MCUB: variants seen among roughly 807,000 people sequenced by gnomAD.
MCUB encodes mitochondrial calcium uniporter dominant negative subunit beta.
Under a neutral mutation model 41.4 loss-of-function variants are expected in MCUB, and 46 were observed. The ratio of observed to expected loss-of-function variants is 1.11; its 90% CI spans 0.88 to 1.42. The LOEUF (loss-of-function observed/expected upper bound fraction) is 1.42, where lower values mean the gene tolerates loss of function less well. Ranked by LOEUF, MCUB falls within the 40% of genes most tolerant of loss-of-function variation. The pLI, the probability that MCUB is intolerant of heterozygous loss-of-function variation, is 0.00. For synonymous variants in MCUB, 148 were observed against 148.2 expected, an observed-to-expected ratio of 1.00 and a Z score of 0.01; for missense variants, 403 against 404.9, an observed-to-expected ratio of 1.00 and a Z score of 0.04.
At chr4:109,645,513 G>GA (rs4035594) in intron 1 of MCUB, among the ~76,000 whole-genome samples, 252 of 142,944 alleles carry the variant, frequency 1.8e-3, no homozygotes, top group Non-Finnish European at 2.6e-3. Context: ...CATTAAAAAA[G>GA]AAAAAAAAAA....
At chr4:109,564,466 T>C (rs1726725528) in intron 1 of MCUB, among the ~76,000 whole-genome samples, 1 of 152,186 alleles carries the variant, frequency 6.6e-6, no homozygotes, top group African/African-American at 2.4e-5. Flanking sequence ...TCTAGCCCCA[T>C]ATCTTGCCTC....
chr4:109,614,494 A>G (rs1310467296), intron 1 of MCUB, among the ~76,000 whole-genome samples: 1 of 151,798 alleles, frequency 6.6e-6, no homozygotes, highest in East Asian at 1.9e-4. Context: ...GACATAGAAT[A>G]AGATAGCCAT....
At chr4:109,596,014 GCCTCTT>G (rs1727548441) in intron 1 of MCUB, among the ~76,000 whole-genome samples, 1 of 133,124 alleles carries the variant, frequency 7.5e-6, no homozygotes, top group Non-Finnish European at 1.6e-5. Flanking sequence ...AGTAAGGCCA[GCCTCTT>G]ATCCTTCACC....
intron 1 of MCUB, among the ~76,000 whole-genome samples, chr4:109,593,064 T>C (rs940637222): frequency 7.2e-5 from 11 of 152,234 alleles, no homozygotes; most frequent in Admixed American, 2.0e-4. Flanking sequence ...TGCTGAAAAT[T>C]CCAATGCTCA....
In MCUB at chr4:109,685,326, G is replaced by A. The variant is rs753575352; in HGVS notation, c.892G>A (p.Asp298Asn). ...CAAGAAATCAAAGCAACAGCACTTT[G>A]ATGTGCAGCAATACAACAAGTTAAA... ...FHKKSKQQHFDVQQYNKLKED... is the reference protein window; with the variant it reads ...FHKKSKQQHFNVQQYNKLKED... Residue 298 changes from aspartate (D) to asparagine (N), a missense_variant, in exon 7 of 8, where the codon GAT becomes AAT. Transcript: ENST00000394650. 1.9e-6 allele frequency: 3 copies of A among 1,585,536 alleles called. No homozygotes were observed. The highest frequency in any genetic ancestry group is 2.6e-6 in the Non-Finnish European group (3 of 1,154,670).
intron 1 of MCUB, among the ~76,000 whole-genome samples, chr4:109,603,253 G>T (rs545726202): frequency 2.6e-5 from 4 of 152,140 alleles, no homozygotes; most frequent in Non-Finnish European, 5.9e-5. Flanking sequence ...GCGCCGCCAC[G>T]CCTGACTGGT....
chr4:109,582,499 C>T (rs1727204456), intron 1 of MCUB, among the ~76,000 whole-genome samples: 1 of 145,964 alleles, frequency 6.9e-6, no homozygotes, highest in Non-Finnish European at 1.5e-5. Context: ...ACGTGGGGCA[C>T]ATGTACCCTA....
intron 1 of MCUB, among the ~76,000 whole-genome samples, chr4:109,621,799 A>G (rs997656604): frequency 6.6e-6 from 1 of 152,234 alleles, no homozygotes; most frequent in African/African-American, 2.4e-5. Context: ...TTAAATCACA[A>G]TGAAATGACT....
intron 1 of MCUB, among the ~76,000 whole-genome samples, chr4:109,573,092 A>T (rs537194678): frequency 3.3e-4 from 51 of 152,302 alleles, no homozygotes; most frequent in South Asian, 8.3e-4. Flanking sequence ...GAGTCTTATT[A>T]TTCTCATCCT....
intron 1 of MCUB, among the ~76,000 whole-genome samples, chr4:109,626,989 A>C (rs1310358636): frequency 6.6e-6 from 1 of 152,192 alleles, no homozygotes; most frequent in African/African-American, 2.4e-5. Context: ...TATTTGTTCA[A>C]CATTAAGGGG....
intron 1 of MCUB, among the ~76,000 whole-genome samples, chr4:109,648,808 TA>T (rs1220863313): frequency 6.7e-6 from 1 of 149,408 alleles, no homozygotes; most frequent in Non-Finnish European, 1.5e-5. Context: ...GATGTAGAAC[TA>T]ATGAACCCAA....
intron 1 of MCUB, among the ~76,000 whole-genome samples, chr4:109,595,198 T>C (rs1260020733): frequency 1.3e-5 from 2 of 152,142 alleles, no homozygotes; most frequent in Non-Finnish European, 2.9e-5. Context: ...GTCCCAGCCA[T>C]GTTCCCTTAT....
rs57136696 is a variant in MCUB, at chr4:109,674,716, C to T, written c.452-7866C>T. ...ATCACAATTGTAAACATGAGAATAACTTAAGGATTCTAGTTTAGTTTTTTG... is the reference window on the plus strand; with the variant it reads ...ATCACAATTGTAAACATGAGAATAATTTAAGGATTCTAGTTTAGTTTTTTG... On this transcript the variant is annotated intron_variant, in intron 4 of 7. Coordinates refer to ENST00000394650, the MANE Select transcript of MCUB (RefSeq NM_017918.5). Among the ~76,000 whole-genome samples, 775 of 152,272 alleles carry T rather than the reference C, an allele frequency of 5.1e-3. 3 individuals are homozygous for T. Among genetic ancestry groups the T allele is most frequent in the African/African-American group, 0.018 (735 of 41,546 alleles).
Position 109,663,059 on chromosome 4 carries a change from A to G in MCUB, c.347-1231A>G, listed in dbSNP as rs146968722. Among the ~76,000 whole-genome samples, 567 of 152,316 alleles carry G rather than the reference A, an allele frequency of 3.7e-3. 16 individuals are homozygous for G. The South Asian group carries it at 0.059, about 16-fold the overall frequency. ...CTTCCAGAACAAAAGAACTATAGGG[A>G]GGCAGACAAGAGGCAGCAGCCAGTT... On this transcript the variant is annotated intron_variant, in intron 3 of 7. Coordinates refer to ENST00000394650, the MANE Select transcript of MCUB (RefSeq NM_017918.5).
intron 1 of MCUB, among the ~76,000 whole-genome samples, chr4:109,623,054 T>A (rs138873379): frequency 2.6e-5 from 4 of 152,286 alleles, no homozygotes; most frequent in African/African-American, 4.8e-5. Context: ...ACTCTTGAGA[T>A]GAAACTCAAG....
At position 109,619,030 on chromosome 4, in the gene MCUB, GCCTACCTACCTACCTA is replaced by G. The variant is rs762220634; in HGVS notation, c.100-39948_100-39933del. On this transcript the variant is annotated intron_variant, in intron 1 of 7. Transcript: ENST00000394650. ...TACCTACCTACCTATCTACCTGCCT[GCCTACCTACCTACCTA>G]CCTACCTACCTACCTACCTACCTAC... is the stretch of plus-strand genomic sequence containing the variant. Among the ~76,000 whole-genome samples, 235 of 118,798 alleles carry G rather than the reference GCCTACCTACCTACCTA, an allele frequency of 2.0e-3. 1 individual carries two copies. Among genetic ancestry groups the G allele is most frequent in the African/African-American group, 6.6e-3 (213 of 32,050 alleles). 77.9% of individuals were successfully genotyped at this position (118,798 alleles called of 152,430 possible).
At chr4:109,584,890 G>A (rs910516341) in intron 1 of MCUB, among the ~76,000 whole-genome samples, 4 of 152,126 alleles carry the variant, frequency 2.6e-5, no homozygotes. Context: ...CAATTTTGGA[G>A]TAAGTGTGAT....
intron 1 of MCUB, among the ~76,000 whole-genome samples, chr4:109,602,398 A>T (rs1323063937): frequency 1.3e-5 from 2 of 152,246 alleles, no homozygotes; most frequent in African/African-American, 4.8e-5. Context: ...AAACAGCAAG[A>T]AATAGGGGTT....
rs545076646 is a variant in MCUB, at chr4:109,657,081, T to C, written c.100-1930T>C. ...AAAAATACAAAAAATTAGCCAGGCA[T>C]GGTGGCAGGTGCCTATAACCCCAGC... On this transcript the variant is annotated intron_variant, in intron 1 of 7. Transcript: ENST00000394650. Among the ~76,000 whole-genome samples, 131 of 152,206 alleles carry C rather than the reference T, an allele frequency of 8.6e-4. 1 individual carries two copies. The highest frequency in any genetic ancestry group is 3.0e-3 in the African/African-American group (126 of 41,528).
Sources: gnomAD v4.1 joint callset for allele counts (sites outside exome capture counted in the v4.1 genomes callset) on GRCh38, gnomAD v4.1.1 for gene constraint, MANE v1.5 for transcripts, NCBI Gene and HGNC (gene_info 2026-07-23, HGNC 2026-07-21) for gene names.